ADAM2: variants seen among roughly 807,000 people sequenced by gnomAD.
ADAM2 encodes disintegrin and metalloproteinase domain-containing protein 2.
ADAM2 carries 101 observed loss-of-function variants against 99.3 expected under a neutral mutation model. The ratio of observed to expected loss-of-function variants is 1.02; its 90% confidence interval spans 0.87 to 1.20. The LOEUF is 1.20. Ranked by LOEUF, ADAM2 falls within the 50% of genes most tolerant of loss-of-function variation. The pLI is 0.00. For missense variants in ADAM2, 948 were observed against 878.7 expected (o/e 1.08, Z -1.00); for synonymous variants, 323 against 287.6 (o/e 1.12, Z -1.25).
At chr8:39,779,959 G>T (rs949850423) in intron 10 of ADAM2, among the ~76,000 whole-genome samples, 1 of 152,018 alleles carries the variant, frequency 6.6e-6, no homozygotes, top group East Asian at 1.9e-4. Context: ...CAAGAAACTG[G>T]TAAGATGTTC....
intron 16 of ADAM2, among the ~76,000 whole-genome samples, chr8:39,750,687 T>C (rs1400524033): frequency 1.3e-5 from 2 of 152,128 alleles, no homozygotes; most frequent in Admixed American, 1.3e-4. Context: ...TGGAGTAATA[T>C]GCATAGTAAA....
At chr8:39,771,010 T>C (rs1464798478) in intron 11 of ADAM2, among the ~76,000 whole-genome samples, 1 of 152,228 alleles carries the variant, frequency 6.6e-6, no homozygotes, top group African/African-American at 2.4e-5. Flanking sequence ...AAAGTGGCAA[T>C]TTCATATTAC....
At chr8:39,761,792 AC>A (rs996369227) in intron 14 of ADAM2, among the ~76,000 whole-genome samples, 1 of 152,136 alleles carries the variant, frequency 6.6e-6, no homozygotes, top group African/African-American at 2.4e-5. Flanking sequence ...ATAAGATCCA[AC>A]CTACATGGCC....
At chr8:39,772,767 CAAAAT>C (rs1183128285) in intron 11 of ADAM2, among the ~76,000 whole-genome samples, 1 of 151,778 alleles carries the variant, frequency 6.6e-6, no homozygotes, top group Non-Finnish European at 1.5e-5. Context: ...CAATACAACA[CAAAAT>C]AAAAGAATGG....
intron 6 of ADAM2, among the ~76,000 whole-genome samples, chr8:39,819,821 C>T (rs1299440461): frequency 1.3e-5 from 2 of 152,084 alleles, no homozygotes; most frequent in African/African-American, 2.4e-5. Context: ...TACTCTCCCT[C>T]TCTGTGTATG....
chr8:39,753,739 T>C (rs1189014984), intron 16 of ADAM2, among the ~76,000 whole-genome samples: 1 of 152,030 alleles, frequency 6.6e-6, no homozygotes, highest in Non-Finnish European at 1.5e-5. Context: ...GTGCAAGTAA[T>C]AGTAAATCCA....
At chr8:39,836,167 C>A (rs1031262866) in intron 2 of ADAM2, among the ~76,000 whole-genome samples, 1 of 152,036 alleles carries the variant, frequency 6.6e-6, no homozygotes, top group South Asian at 2.1e-4. Flanking sequence ...ACAAAATAGA[C>A]AATTTTTTCC....
chr8:39,802,004 C>T (rs1804235471), intron 7 of ADAM2, among the ~76,000 whole-genome samples: 1 of 152,118 alleles, frequency 6.6e-6, no homozygotes, highest in African/African-American at 2.4e-5. Context: ...AGACAGCAGG[C>T]AGCCTCAGCC....
In ADAM2 at chr8:39,749,339, G is replaced by A. The variant is rs1436878152; in HGVS notation, c.1987C>T (p.Pro663Ser). The A allele has an allele frequency of 1.2e-6, 2 of 1,612,746 alleles. No individual in the cohort carries two copies. Among genetic ancestry groups the A allele is most frequent in the East Asian group, 4.5e-5 (2 of 44,856 alleles). The stretch of plus-strand genomic sequence containing the variant: ...GGGAGTCTGGCTGGTATAGCTACAG[G>A]TGGAAAATTGCCACTGTCAATACTC... ...GGSIDSGNFP[P>S]VAIPARLPER... Residue 663 changes from proline (P) to serine (S), a missense_variant, in exon 18 of 21, where the codon CCT becomes TCT. By Grantham distance (74) the Pro-to-Ser change is moderately conservative. Transcript: ENST00000265708.
intron 12 of ADAM2, 23 bp downstream of exon 12, chr8:39,769,369 T>C (rs1802688377): frequency 6.4e-7 from 1 of 1,574,106 alleles, no homozygotes; most frequent in Non-Finnish European, 8.7e-7. Context: ...TTTCAGTGCG[T>C]AGTCTTCCGA....
chr8:39,760,305 A>G (rs1802299291), intron 15 of ADAM2, among the ~76,000 whole-genome samples: 1 of 152,228 alleles, frequency 6.6e-6, no homozygotes, highest in Admixed American at 6.5e-5. Context: ...GTGATGCGTT[A>G]TTAATATTCA....
At chr8:39,788,772 T>C (rs1346690591) in intron 7 of ADAM2, 32 bp from the exon 8 acceptor site, 2 of 1,149,786 alleles carry the variant, frequency 1.7e-6, no homozygotes, top group East Asian at 2.9e-5. Context: ...TAGATATAAA[T>C]ATATATTGCT....
rs1802209548 is a variant in ADAM2, at chr8:39,757,896, A to C, written c.1614-1985T>G. The stretch of plus-strand genomic sequence containing the variant: ...CTAGATACCAACACCAATACTACAC[A>C]GACATTTCATTCAGCAGAGAAGCCC... On this transcript the variant is annotated intron_variant, in intron 15 of 20. Transcript: ENST00000265708. Among the ~76,000 whole-genome samples, 5 of 152,234 alleles carry C rather than the reference A, an allele frequency of 3.3e-5. No individual in the cohort carries two copies. In the South Asian group the frequency reaches 1.0e-3, roughly 31 times the overall value.
chr8:39,801,239 C>T (rs566457922), intron 7 of ADAM2, among the ~76,000 whole-genome samples: 36 of 152,208 alleles, frequency 2.4e-4, no homozygotes, highest in African/African-American at 8.4e-4. Flanking sequence ...TTGCCACTTT[C>T]GGCTTGTTTT....
intron 16 of ADAM2, among the ~76,000 whole-genome samples, chr8:39,755,285 A>C (rs1440576345): frequency 6.6e-6 from 1 of 152,236 alleles, no homozygotes; most frequent in African/African-American, 2.4e-5. Flanking sequence ...GCATGATTGC[A>C]AATATTTTAT....
At chr8:39,802,299 G>A (rs949229008) in intron 7 of ADAM2, among the ~76,000 whole-genome samples, 1 of 152,158 alleles carries the variant, frequency 6.6e-6, no homozygotes, top group Non-Finnish European at 1.5e-5. Context: ...CGTGGGTCAT[G>A]CCAGCCTTCT....
intron 7 of ADAM2, among the ~76,000 whole-genome samples, chr8:39,795,979 A>C (rs1240671576): frequency 6.6e-6 from 1 of 152,112 alleles, no homozygotes; most frequent in Non-Finnish European, 1.5e-5. Flanking sequence ...GATTATCTTT[A>C]GTAGAAATGG....
intron 6 of ADAM2, 87 bp downstream of exon 6, chr8:39,820,914 TG>T: frequency 1.2e-6 from 1 of 824,130 alleles, no homozygotes; most frequent in Non-Finnish European, 1.9e-6. Flanking sequence ...TTTATGGGTG[TG>T]TAAATATGTA....
intron 10 of ADAM2, among the ~76,000 whole-genome samples, chr8:39,784,874 CTT>C (rs955822138): frequency 1.6e-4 from 24 of 152,218 alleles, no homozygotes; most frequent in Admixed American, 1.4e-3. Context: ...CTGTTCATGT[CTT>C]TTGCCCATTT....
Sources: gnomAD v4.1 joint callset for allele counts (sites outside exome capture counted in the v4.1 genomes callset) on GRCh38, gnomAD v4.1.1 for gene constraint, MANE v1.5 for transcripts, NCBI Gene and HGNC (gene_info 2026-07-23, HGNC 2026-07-21) for gene names.